The following CTPS2 variants were observed in gnomAD, a reference collection of about 807,000 sequenced individuals.
The protein encoded by CTPS2 is CTP synthase 2.
Under a neutral mutation model 46.8 loss-of-function variants are expected in CTPS2, and 19 were observed. That is an observed-to-expected ratio of 0.41 (90% CI 0.28 to 0.60). The LOEUF is 0.60. CTPS2 is among the 20% of genes least tolerant of loss of function. CTPS2 has a pLI of 0.35. For missense variants in CTPS2, 286 were observed against 447.6 expected (o/e 0.64, Z 3.26); for synonymous variants, 151 against 165.2 (o/e 0.91, Z 0.66).
intron 14 of CTPS2, among the ~76,000 whole-genome samples, chrX:16,623,462 G>C (rs1454108444): frequency 1.8e-5 from 2 of 111,111 alleles, no homozygotes. Context: ...ATCTCCATGG[G>C]TTCAATTGTT....
intron 11 of CTPS2, 49 bp from the exon 12 acceptor site, chrX:16,667,773 G>T: frequency 9.0e-7 from 1 of 1,109,029 alleles, no homozygotes; most frequent in Non-Finnish European, 1.2e-6. Flanking sequence ...CTTTGTATTT[G>T]TTCACATTTT....
chrX:16,647,548 G>A (rs191243743), intron 13 of CTPS2, among the ~76,000 whole-genome samples: 9 of 109,450 alleles, frequency 8.2e-5, no homozygotes, highest in African/African-American at 2.7e-4. Context: ...GATTATAGGC[G>A]TGAACCACCG....
intron 17 of CTPS2, among the ~76,000 whole-genome samples, chrX:16,595,009 A>C (rs1455965394): frequency 8.8e-6 from 1 of 113,128 alleles, no homozygotes; most frequent in Admixed American, 9.3e-5. Flanking sequence ...TCTGTGCTGC[A>C]TATGCGCCGT....
chrX:16,605,994 A>C (rs1050738587), intron 17 of CTPS2, among the ~76,000 whole-genome samples: 5 of 112,368 alleles, frequency 4.4e-5, no homozygotes, highest in Admixed American at 9.5e-5. Flanking sequence ...CTGAGAATTT[A>C]GCTCACTAGC....
intron 2 of CTPS2, among the ~76,000 whole-genome samples, chrX:16,700,693 C>T (rs1286793496): frequency 9.9e-5 from 11 of 110,972 alleles, no homozygotes; most frequent in African/African-American, 3.3e-4. Context: ...ATTTATTTCT[C>T]CCTCATGTTA....
intron 16 of CTPS2, among the ~76,000 whole-genome samples, chrX:16,613,227 G>A (rs1448860596): frequency 1.4e-4 from 16 of 112,209 alleles, no homozygotes; most frequent in African/African-American, 4.9e-4. Flanking sequence ...GCAGGTTCTG[G>A]AACATCACGG....
At chrX:16,668,676 GAAGA>G (rs1343190751) in intron 11 of CTPS2, among the ~76,000 whole-genome samples, 1 of 95,889 alleles carries the variant, frequency 1.0e-5, no homozygotes, top group African/African-American at 3.8e-5. Flanking sequence ...AAGGAAGAAG[GAAGA>G]AAGAAGGAAG....
chrX:16,661,353 C>T (rs1332970024), intron 13 of CTPS2, among the ~76,000 whole-genome samples: 1 of 112,038 alleles, frequency 8.9e-6, no homozygotes, highest in Non-Finnish European at 1.9e-5. Flanking sequence ...TTGTAATAGT[C>T]AGGAGATGCT....
At chrX:16,656,378 A>C (rs749969834) in intron 13 of CTPS2, among the ~76,000 whole-genome samples, 1 of 111,576 alleles carries the variant, frequency 9.0e-6, no homozygotes, top group South Asian at 3.8e-4. Context: ...TTCTGTAGTT[A>C]ACATCAGAAA....
At chrX:16,685,625 G>A (rs922243084) in intron 8 of CTPS2, among the ~76,000 whole-genome samples, 4 of 108,152 alleles carry the variant, frequency 3.7e-5, no homozygotes, top group Non-Finnish European at 1.9e-5. Context: ...TTGGGAGGCC[G>A]AGGTGGGCGG....
intron 16 of CTPS2, among the ~76,000 whole-genome samples, chrX:16,613,485 A>G (rs1032508863): frequency 1.8e-5 from 2 of 111,760 alleles, no homozygotes; most frequent in Admixed American, 9.5e-5. Context: ...AATCTGCAGG[A>G]CTTGACAACA....
In CTPS2 at chrX:16,678,404, G is replaced by T; in HGVS notation, c.1052C>A (p.Pro351His). The change falls in exon 10 of 19, where the codon CCT (proline) becomes CAT (histidine). Residue 351 changes from proline (P) to histidine (H), a missense_variant. By Grantham distance (77) the Pro-to-His change is moderately conservative. Transcript: ENST00000359276. ...DLEKITETED[P>H]VKFHEAWQKL... ...CTGCCAAGCTTCATGAAATTTCACA[G>T]GGTCCTCGGTTTCAGTGATCTTCTC... 1 of 1,205,346 alleles carries T rather than the reference G, an allele frequency of 8.3e-7. No homozygotes were observed. Among genetic ancestry groups the T allele is most frequent in the South Asian group, 1.8e-5 (1 of 56,146 alleles).
intron 17 of CTPS2, among the ~76,000 whole-genome samples, chrX:16,596,681 T>C (rs778488960): frequency 4.6e-5 from 5 of 108,353 alleles, no homozygotes; most frequent in African/African-American, 1.7e-4. Context: ...TATAGCAGCA[T>C]GATTTATAGT....
At position 16,598,006 on chromosome X, in the gene CTPS2, G is replaced by A. The variant is rs1274447147; in HGVS notation, c.1692-7144C>T. Among the ~76,000 whole-genome samples, 11 of 108,201 alleles carry A rather than the reference G, an allele frequency of 1.0e-4. 1 individual carries two copies. The highest frequency in any genetic ancestry group is 9.0e-4 in the Admixed American group (9 of 9,974). 94.0% of individuals were successfully genotyped at this position (108,201 alleles called of 115,157 possible). A position where few individuals can be genotyped will look rare whatever the true frequency, so the allele number is the denominator to read the frequency against. On this transcript the variant is annotated intron_variant, in intron 17 of 18. Transcript: ENST00000359276. Reference sequence around the variant, plus strand: ...TTTGGCTCTCTGTTTGTCTGTTATTGGTGTATAAGAATGCTTGTGATTTTT... The same window carrying A: ...TTTGGCTCTCTGTTTGTCTGTTATTAGTGTATAAGAATGCTTGTGATTTTT...
At chrX:16,641,617 T>C (rs1932083646) in intron 13 of CTPS2, among the ~76,000 whole-genome samples, 1 of 111,863 alleles carries the variant, frequency 8.9e-6, no homozygotes, top group African/African-American at 3.3e-5. Context: ...CAGGCTGCAG[T>C]CCCAGCTATT....
chrX:16,601,582 G>C (rs989017146), intron 17 of CTPS2, among the ~76,000 whole-genome samples: 1 of 104,180 alleles, frequency 9.6e-6, no homozygotes, highest in African/African-American at 3.5e-5. Flanking sequence ...CGGGGGGGGG[G>C]GGGTTTAAGT....
At chrX:16,615,131 G>A (rs922080330) in intron 16 of CTPS2, among the ~76,000 whole-genome samples, 1 of 110,156 alleles carries the variant, frequency 9.1e-6, no homozygotes, top group African/African-American at 3.3e-5. Flanking sequence ...AGCCAAGATC[G>A]CGCCACTGCA....
intron 14 of CTPS2, among the ~76,000 whole-genome samples, chrX:16,630,251 A>ATTTT (rs148128965): frequency 6.5e-5 from 5 of 77,236 alleles, no homozygotes; most frequent in South Asian, 1.2e-3. Flanking sequence ...GTTGTGTTGT[A>ATTTT]TTTTTTTTTT....
intron 1 of CTPS2, chrX:16,712,053 G>A (rs929664258): frequency 1.8e-5 from 2 of 110,899 alleles, no homozygotes; most frequent in Non-Finnish European, 3.8e-5. Flanking sequence ...GAAGAAGCGC[G>A]TCCCGGGGAC....
Sources: allele counts gnomAD v4.1 joint callset (sites outside exome capture counted in the v4.1 genomes callset), GRCh38; gene constraint gnomAD v4.1.1; transcripts MANE v1.5; gene names NCBI Gene and HGNC (gene_info 2026-07-23, HGNC 2026-07-21).